Variants in CARD14 observed in about 807,000 individuals in gnomAD.
The protein encoded by CARD14 is caspase recruitment domain family member 14, also known as caspase recruitment domain-containing protein 14.
In CARD14, 107 loss-of-function variants were observed where a neutral mutation model predicts 111.5. The observed-to-expected ratio is 0.96, with a 90% CI of 0.82 to 1.13. The LOEUF is 1.13. CARD14 is among the 50% of genes most tolerant of loss of function. CARD14 has a pLI of 0.00. For synonymous variants in CARD14, 617 were observed against 579.6 expected, an observed-to-expected ratio of 1.06 and a Z score of -0.93; for missense variants, 1,322 against 1,362.3, an observed-to-expected ratio of 0.97 and a Z score of 0.47.
Position 80,189,912 on chromosome 17 carries a change from G to T in CARD14, c.963+40G>T. The T allele has an allele frequency of 6.3e-7, 1 of 1,576,386 alleles. No individual in the cohort carries two copies. The highest frequency in any genetic ancestry group is 1.2e-5 in the South Asian group (1 of 86,426). Reference sequence around the variant, plus strand: ...CTTCCTCCCTTGTGACTCTCCTGGGGCTTGTCTCAGGGGTGCGGACAGGTC... The same window carrying T: ...CTTCCTCCCTTGTGACTCTCCTGGGTCTTGTCTCAGGGGTGCGGACAGGTC... On this transcript the variant is annotated intron_variant, in intron 9 of 23. Transcript: ENST00000648509. The surrounding 1 kb of genome is among the most constrained non-coding windows in gnomAD (Gnocchi z 4.7).
At chr17:80,206,404 AG>A (rs2041310744) in intron 22 of CARD14, among the ~76,000 whole-genome samples, 1 of 152,276 alleles carries the variant, frequency 6.6e-6, no homozygotes. Flanking sequence ...GCTTGAGCCC[AG>A]GAATTTGAGA....
At position 80,198,624 on chromosome 17, in the gene CARD14, G is replaced by A. The variant is rs1348775472; in HGVS notation, c.1851+33G>A. ...GTGCGAGGCCCCTCCTGTCCCCCGGGCTCCTCATGGGGACAGTGGCAGCGG... is the reference window on the plus strand; with the variant it reads ...GTGCGAGGCCCCTCCTGTCCCCCGGACTCCTCATGGGGACAGTGGCAGCGG... On this transcript the variant is annotated intron_variant, in intron 16 of 23. Coordinates refer to ENST00000648509, the MANE Select transcript of CARD14 (RefSeq NM_001366385.1). The surrounding 1 kb of genome is among the most constrained non-coding windows in gnomAD (Gnocchi z 7.5). 2.5e-6 allele frequency: 4 copies of A among 1,610,132 alleles called. No individual in the cohort carries two copies. Among genetic ancestry groups the A allele is most frequent in the Non-Finnish European group, 3.4e-6 (4 of 1,179,456 alleles).
At position 80,203,781 on chromosome 17, in the gene CARD14, G is replaced by T; in HGVS notation, c.2220-41G>T. ...GGCTCTCCCCTGCCCTGCTCACCTGGCAGGAGGCAGCTGGGTCAGGGCCTC... is the reference window on the plus strand; with the variant it reads ...GGCTCTCCCCTGCCCTGCTCACCTGTCAGGAGGCAGCTGGGTCAGGGCCTC... On this transcript the variant is annotated intron_variant, in intron 18 of 23. Coordinates refer to ENST00000648509, the MANE Select transcript of CARD14 (RefSeq NM_001366385.1). The surrounding 1 kb of genome is among the most constrained non-coding windows in gnomAD (Gnocchi z 4.6). 1 of 1,526,284 alleles carries T rather than the reference G, an allele frequency of 6.6e-7. No homozygotes were observed. Among genetic ancestry groups the T allele is most frequent in the South Asian group, 1.2e-5 (1 of 83,356 alleles). The allele number at this position is 1,526,284 out of a possible 1,614,324, so 94.5% of individuals were successfully genotyped here.
chr17:80,182,631 A>T lies in CARD14; in HGVS notation c.212-22A>T. The stretch of plus-strand genomic sequence containing the variant: ...CCCTTGGTAGCTGGGTTCTGCCCAG[A>T]CAGACGGTTCTGCCTCCCAAGGGCA... On this transcript the variant is annotated intron_variant, in intron 5 of 23. Coordinates refer to ENST00000648509, the MANE Select transcript of CARD14 (RefSeq NM_001366385.1). The surrounding 1 kb of genome is among the most constrained non-coding windows in gnomAD (Gnocchi z 4.7). 1 of 1,613,306 alleles carries T rather than the reference A, an allele frequency of 6.2e-7. No homozygotes were observed. Among genetic ancestry groups the T allele is most frequent in the Non-Finnish European group, 8.5e-7 (1 of 1,179,722 alleles).
chr17:80,203,912 C>G lies in CARD14; in HGVS notation c.2283+27C>G, dbSNP rs746722599. 6.4e-7 allele frequency: 1 copy of G among 1,564,390 alleles called. No individual in the cohort carries two copies. Among genetic ancestry groups the G allele is most frequent in the Non-Finnish European group, 8.7e-7 (1 of 1,151,964 alleles). ...TGAGGCTCCAGGGAGGGGCCTGGAC[C>G]CCACTGGGGTGGGCTGGAAGAGGGG... On this transcript the variant is annotated intron_variant, in intron 19 of 23. Coordinates refer to ENST00000648509, the MANE Select transcript of CARD14 (RefSeq NM_001366385.1). The surrounding 1 kb of genome is among the most constrained non-coding windows in gnomAD (Gnocchi z 4.6).
Position 80,181,424 on chromosome 17 carries a change from T to C in CARD14, c.-15T>C. 6.4e-7 allele frequency: 1 copy of C among 1,556,096 alleles called. No individual in the cohort carries two copies. The highest frequency in any genetic ancestry group is 1.2e-5 in the South Asian group (1 of 84,330). On this transcript the variant is annotated 5_prime_UTR_variant, in exon 5 of 24. Transcript: ENST00000648509. ...CCCATGGCCACCCCTCCTAGGGTCC[T>C]CCCAGCGCCCAGCCATGGGGGAACT...
intron 22 of CARD14, 186 bp downstream of exon 22, chr17:80,205,838 T>C: frequency 1.9e-6 from 1 of 534,782 alleles, no homozygotes; most frequent in East Asian, 3.2e-5. Context: ...TCCACGTGAC[T>C]GTGGGTGAGG....
intron 10 of CARD14, 67 bp downstream of exon 10, chr17:80,190,966 G>A (rs2040507572): frequency 6.4e-7 from 1 of 1,569,262 alleles, no homozygotes; most frequent in South Asian, 1.1e-5. Flanking sequence ...CTGGTTCCGG[G>A]GACAGTCTCG....
rs756566531 is a variant in CARD14, at chr17:80,198,491, G to C, written c.1751G>C (p.Ser584Thr). ...GGGGATGCATTGCTGGAGCAGATCA[G>C]CGTCATCGGCGGGAACCTCACGGGC... The part of the protein sequence containing the change: ...FQGDALLEQI[S>T]VIGGNLTGIF... Residue 584 changes from serine (S) to threonine (T), a missense_variant, in exon 16 of 24, where the codon AGC (serine) becomes ACC (threonine). Coordinates refer to ENST00000648509, the MANE Select transcript of CARD14 (RefSeq NM_001366385.1). This position sits in a 1 kb window ranked among gnomAD's most constrained non-coding sequence, Gnocchi z 7.5. 4 of 1,613,634 alleles carry C rather than the reference G, an allele frequency of 2.5e-6. No individual in the cohort carries two copies. Among genetic ancestry groups the C allele is most frequent in the Non-Finnish European group, 3.4e-6 (4 of 1,179,920 alleles).
intron 7 of CARD14, among the ~76,000 whole-genome samples, chr17:80,184,580 C>A (rs1230103241): frequency 1.3e-5 from 2 of 152,248 alleles, no homozygotes; most frequent in Non-Finnish European, 2.9e-5. Flanking sequence ...CGTCCCACTG[C>A]CCAGCTGCGG....
rs571922319 is a variant in CARD14, at chr17:80,203,980, G to T, written c.2283+95G>T. ...GGCAGGAGGCACTGTGTGGAGAGTGGGCTGCTGATTGGAGGGTAACCCCAC... is the reference window on the plus strand; with the variant it reads ...GGCAGGAGGCACTGTGTGGAGAGTGTGCTGCTGATTGGAGGGTAACCCCAC... On this transcript the variant is annotated intron_variant, in intron 19 of 23. Coordinates refer to ENST00000648509, the MANE Select transcript of CARD14 (RefSeq NM_001366385.1). This position sits in a 1 kb window ranked among gnomAD's most constrained non-coding sequence, Gnocchi z 4.6. 5.0e-5 allele frequency: 53 copies of T among 1,069,184 alleles called. No individual in the cohort carries two copies. In the South Asian group the frequency reaches 7.3e-4, roughly 15 times the overall value. The allele number at this position is 1,069,184 out of a possible 1,614,324, so 66.2% of individuals were successfully genotyped here.
intron 14 of CARD14, among the ~76,000 whole-genome samples, 167 bp from the exon 15 acceptor site, chr17:80,197,932 C>A (rs1266911141): frequency 1.3e-5 from 2 of 151,996 alleles, no homozygotes; most frequent in East Asian, 1.9e-4. Context: ...GGCAGTGGGG[C>A]CTGAGGCTGA....
Position 80,182,783 on chromosome 17 carries a change from C to T in CARD14, c.342C>T (p.Asn114=), listed in dbSNP as rs1439927417. 1 of 1,614,078 alleles carries T rather than the reference C, an allele frequency of 6.2e-7. No homozygotes were observed. Among genetic ancestry groups the T allele is most frequent in the Non-Finnish European group, 8.5e-7 (1 of 1,180,022 alleles). The change falls in exon 6 of 24, where the codon AAC becomes AAT. Residue 114 remains asparagine (N), a synonymous_variant. Transcript: ENST00000648509. The surrounding 1 kb of genome is among the most constrained non-coding windows in gnomAD (Gnocchi z 4.7). ...TGCAGCCTGATGTTGACTTCAGTAA[C>T]TTTAGCGGTGAGAGCTCCGACTTTG... ...TGLQPDVDFS[N]FSGLMETSKL...
chr17:80,175,170 G>A (rs928987980), intron 2 of CARD14, among the ~76,000 whole-genome samples: 2 of 151,724 alleles, frequency 1.3e-5, no homozygotes, highest in Non-Finnish European at 2.9e-5. Flanking sequence ...TAGAGACAGG[G>A]TTTCGCCATG....
intron 2 of CARD14, among the ~76,000 whole-genome samples, chr17:80,173,826 T>C (rs1160429483): frequency 6.6e-6 from 1 of 152,150 alleles, no homozygotes; most frequent in Non-Finnish European, 1.5e-5. Flanking sequence ...CTCGAACTCC[T>C]GACCTTATGA....
At chr17:80,207,850 T>G (rs2041421687) in intron 23 of CARD14, among the ~76,000 whole-genome samples, 1 of 151,940 alleles carries the variant, frequency 6.6e-6, no homozygotes, top group Non-Finnish European at 1.5e-5. Flanking sequence ...AATCTAATCC[T>G]TGTCGGCTAA....
chr17:80,189,887 C>A lies in CARD14; in HGVS notation c.963+15C>A. 1 of 1,590,722 alleles carries A rather than the reference C, an allele frequency of 6.3e-7. No homozygotes were observed. The highest frequency in any genetic ancestry group is 1.1e-5 in the South Asian group (1 of 88,572). ...AGCGAGAGCAGGTGCCGTGTGAGCC[C>A]TTCCTCCCTTGTGACTCTCCTGGGG... On this transcript the variant is annotated intron_variant, in intron 9 of 23. Coordinates refer to ENST00000648509, the MANE Select transcript of CARD14 (RefSeq NM_001366385.1). The surrounding 1 kb of genome is among the most constrained non-coding windows in gnomAD (Gnocchi z 4.7).
intron 12 of CARD14, among the ~76,000 whole-genome samples, chr17:80,194,084 C>T (rs2144300365): frequency 6.6e-6 from 1 of 152,264 alleles, no homozygotes; most frequent in East Asian, 1.9e-4. Flanking sequence ...CTGCCTCCTA[C>T]TTCATGGGCT....
intron 23 of CARD14, among the ~76,000 whole-genome samples, chr17:80,207,409 G>A (rs1386433680): frequency 6.6e-6 from 1 of 152,204 alleles, no homozygotes; most frequent in African/African-American, 2.4e-5. Context: ...AAACTAGCCA[G>A]GTGTGGCGGC....
Sources: gnomAD v4.1 joint callset for allele counts (sites outside exome capture counted in the v4.1 genomes callset) on GRCh38, gnomAD v4.1.1 for gene constraint, Gnocchi (gnomAD v3.1) non-coding constraint, MANE v1.5 for transcripts, NCBI Gene and HGNC (gene_info 2026-07-23, HGNC 2026-07-21) for gene names.